PICALM: variants seen among roughly 807,000 people sequenced by gnomAD.
PICALM encodes the protein phosphatidylinositol-binding clathrin assembly protein.
Under a neutral mutation model 80.5 loss-of-function variants are expected in PICALM, and 40 were observed. The ratio of observed to expected loss-of-function variants is 0.50; its 90% CI spans 0.39 to 0.65. The LOEUF (loss-of-function observed/expected upper bound fraction) is 0.65, where lower values mean the gene tolerates loss of function less well. PICALM is among the 30% of genes least tolerant of loss of function. The pLI is 0.00. For synonymous variants in PICALM, 288 were observed against 260.3 expected (o/e 1.11, Z -1.02); for missense variants, 676 against 778.9 (o/e 0.87, Z 1.57).
At chr11:85,994,997 C>A (rs907517032) in intron 12 of PICALM, among the ~76,000 whole-genome samples, 1 of 152,144 alleles carries the variant, frequency 6.6e-6, no homozygotes, top group South Asian at 2.1e-4. Flanking sequence ...AGCCATCGCA[C>A]CTGGCCTTAT....
chr11:85,987,051 A>C (rs900263317), intron 13 of PICALM, among the ~76,000 whole-genome samples: 1 of 152,248 alleles, frequency 6.6e-6, no homozygotes, highest in Admixed American at 6.5e-5. Flanking sequence ...AACACCTTTT[A>C]CAAAATTTGG....
At chr11:86,007,074 G>A (rs951942299) in intron 8 of PICALM, among the ~76,000 whole-genome samples, 4 of 151,966 alleles carry the variant, frequency 2.6e-5, no homozygotes, top group African/African-American at 7.3e-5. Flanking sequence ...AAATTTCGAC[G>A]TATCCCAAAC....
At chr11:86,020,424 GAAAAAAAA>G (rs34312370) in intron 4 of PICALM, among the ~76,000 whole-genome samples, 6 of 94,250 alleles carry the variant, frequency 6.4e-5, no homozygotes, top group Non-Finnish European at 8.3e-5. Context: ...ACAATCTTGG[GAAAAAAAA>G]AAAAAAAAAA....
intron 19 of PICALM, among the ~76,000 whole-genome samples, chr11:85,969,896 G>A (rs757058331): frequency 1.3e-5 from 2 of 152,148 alleles, no homozygotes; most frequent in African/African-American, 2.4e-5. Flanking sequence ...CAGGTGAGCC[G>A]TCTAATGTTT....
chr11:86,038,778 GA>G lies in PICALM; in HGVS notation c.131-7168del, dbSNP rs1186856161. Among the ~76,000 whole-genome samples the G allele has an allele frequency of 6.6e-3, 857 of 129,466 alleles. 5 individuals are homozygous for G. The highest frequency in any genetic ancestry group is 0.019 in the African/African-American group (665 of 35,282). 84.9% of individuals were successfully genotyped at this position (129,466 alleles called of 152,430 possible). A position where few individuals can be genotyped will look rare whatever the true frequency, so the allele number is the denominator to read the frequency against. ...GGCGACAGAGCGAGACTCCATCTCA[GA>G]AAAAAAAAAAAGGTAAGTCAAAGTC... On this transcript the variant is annotated intron_variant, in intron 1 of 19. Coordinates refer to ENST00000393346, the MANE Select transcript of PICALM (RefSeq NM_007166.4).
At chr11:85,975,107 T>G (rs570362201) in intron 18 of PICALM, among the ~76,000 whole-genome samples, 1 of 152,338 alleles carries the variant, frequency 6.6e-6, no homozygotes, top group South Asian at 2.1e-4. Flanking sequence ...ATAAAATGAT[T>G]AAGACTAAGA....
At chr11:86,010,260 C>T (rs922814241) in intron 7 of PICALM, among the ~76,000 whole-genome samples, 6 of 152,056 alleles carry the variant, frequency 3.9e-5, no homozygotes, top group African/African-American at 1.5e-4. Flanking sequence ...TATCCTATTA[C>T]CTACATTCAT....
intron 3 of PICALM, among the ~76,000 whole-genome samples, chr11:86,023,985 A>T (rs1468863348): frequency 6.6e-6 from 1 of 151,976 alleles, no homozygotes; most frequent in African/African-American, 2.4e-5. Context: ...TAAAAATATT[A>T]GCCAGGCGTG....
intron 9 of PICALM, among the ~76,000 whole-genome samples, chr11:86,001,573 A>G (rs1323352149): frequency 6.6e-6 from 1 of 152,218 alleles, no homozygotes; most frequent in Non-Finnish European, 1.5e-5. Flanking sequence ...GCAGTGCCAC[A>G]GGAACACCAA....
chr11:85,986,692 C>T (rs780254756), intron 13 of PICALM, among the ~76,000 whole-genome samples: 5 of 151,998 alleles, frequency 3.3e-5, no homozygotes, highest in Non-Finnish European at 5.9e-5. Context: ...GCCCGGCCCT[C>T]GCCAACTTTT....
In PICALM at chr11:86,061,199, G is replaced by A. The variant is rs1468178400; in HGVS notation, c.130+7452C>T. Among the ~76,000 whole-genome samples, 9 of 151,868 alleles carry A rather than the reference G, an allele frequency of 5.9e-5. No individual in the cohort carries two copies. The East Asian group carries it at 1.7e-3, about 29-fold the overall frequency. On this transcript the variant is annotated intron_variant, in intron 1 of 19. Coordinates refer to ENST00000393346, the MANE Select transcript of PICALM (RefSeq NM_007166.4). The stretch of plus-strand genomic sequence containing the variant: ...CAAAAATTAGCCAGGCATGATGGTA[G>A]ACACCTGTAATCCCAGCTACTTGCG...
chr11:85,968,065 G>A (rs2093965265), intron 19 of PICALM, among the ~76,000 whole-genome samples: 1 of 152,214 alleles, frequency 6.6e-6, no homozygotes, highest in African/African-American at 2.4e-5. Context: ...CAGGAGCAGT[G>A]GCTCATGCCT....
chr11:86,037,328 C>T (rs1258121862), intron 1 of PICALM, among the ~76,000 whole-genome samples: 1 of 140,826 alleles, frequency 7.1e-6, no homozygotes, highest in Non-Finnish European at 1.5e-5. Flanking sequence ...GGTGTGATCT[C>T]GGCTCACTGC....
chr11:86,017,658 G>A (rs1592964365), intron 4 of PICALM, among the ~76,000 whole-genome samples: 1 of 152,278 alleles, frequency 6.6e-6, no homozygotes, highest in South Asian at 2.1e-4. Context: ...CAGCATACTA[G>A]TATGGTAGAA....
chr11:85,975,297 A>G (rs1380318177), intron 18 of PICALM, among the ~76,000 whole-genome samples: 5 of 97,434 alleles, frequency 5.1e-5, no homozygotes, highest in African/African-American at 7.7e-5. Context: ...TTTATTTCAT[A>G]TAAGAATCAA....
chr11:86,021,481 G>C (rs1332747592), intron 4 of PICALM, among the ~76,000 whole-genome samples: 3 of 148,784 alleles, frequency 2.0e-5, no homozygotes, highest in East Asian at 3.9e-4. Flanking sequence ...ACACCCACTA[G>C]GATGGCTACC....
intron 1 of PICALM, among the ~76,000 whole-genome samples, chr11:86,033,229 A>C (rs1199058813): frequency 6.6e-6 from 1 of 152,042 alleles, no homozygotes; most frequent in Admixed American, 6.6e-5. Context: ...TATACACACA[A>C]ACACACACAC....
Position 85,969,710 on chromosome 11 carries a change from A to C in PICALM, c.1944+4998T>G, listed in dbSNP as rs771788665. 69 of 398,386 alleles carry C rather than the reference A, an allele frequency of 1.7e-4. No individual in the cohort carries two copies. The Admixed American group carries it at 2.0e-3, about 11-fold the overall frequency. 24.7% of individuals were successfully genotyped at this position (398,386 alleles called of 1,614,324 possible). On this transcript the variant is annotated intron_variant, in intron 19 of 19. Coordinates refer to ENST00000393346, the MANE Select transcript of PICALM (RefSeq NM_007166.4). ...ACTTTTTTCTTTTTAAAAAACAGAC[A>C]GTCTCACTATGTTGCCCAGGTTGGT...
intron 5 of PICALM, among the ~76,000 whole-genome samples, 177 bp from the exon 6 acceptor site, chr11:86,012,569 G>A (rs1384500406): frequency 6.6e-6 from 1 of 152,084 alleles, no homozygotes; most frequent in Non-Finnish European, 1.5e-5. Context: ...CCATATAAAT[G>A]AACATTATTT....
Sources: allele counts gnomAD v4.1 joint callset (sites outside exome capture counted in the v4.1 genomes callset), GRCh38; gene constraint gnomAD v4.1.1; transcripts MANE v1.5; gene names NCBI Gene and HGNC (gene_info 2026-07-23, HGNC 2026-07-21).